DTL: variants seen among roughly 807,000 people sequenced by gnomAD.
DTL encodes the protein denticleless E3 ubiquitin protein ligase adapter, also known as denticleless protein homolog.
A neutral mutation model predicts 87.0 loss-of-function variants in DTL; 46 were observed. The ratio of observed to expected loss-of-function variants is 0.53; its 90% confidence interval spans 0.42 to 0.68. DTL has a LOEUF of 0.68. Among genes scored for constraint, DTL ranks in the 30% least tolerant of loss-of-function variants. DTL has a pLI of 0.00. For synonymous variants in DTL, 308 were observed against 311.2 expected (o/e 0.99, Z 0.11); for missense variants, 737 against 869.4 (o/e 0.85, Z 1.91).
chr1:212,048,899 GTTTT>G (rs869232085), intron 5 of DTL, among the ~76,000 whole-genome samples: 40 of 120,416 alleles, frequency 3.3e-4, no homozygotes, highest in African/African-American at 9.9e-4. Context: ...GTTTGGACTG[GTTTT>G]TTGTTTGTTT....
At chr1:212,076,463 T>G (rs1335314266) in intron 11 of DTL, among the ~76,000 whole-genome samples, 1 of 151,804 alleles carries the variant, frequency 6.6e-6, no homozygotes, top group Non-Finnish European at 1.5e-5. Context: ...ATTTAGGGGG[T>G]TTTTTGAAAC....
intron 5 of DTL, among the ~76,000 whole-genome samples, chr1:212,061,850 AAGTG>A (rs1654330778): frequency 6.6e-6 from 1 of 152,176 alleles, no homozygotes; most frequent in Non-Finnish European, 1.5e-5. Context: ...AGAGGCTGGA[AAGTG>A]AGTGGGTGTG....
At chr1:212,089,156 A>G (rs1011858212) in intron 13 of DTL, among the ~76,000 whole-genome samples, 2 of 152,220 alleles carry the variant, frequency 1.3e-5, no homozygotes, top group Admixed American at 1.3e-4. Flanking sequence ...TGACTTTAGG[A>G]AGCATTTAGG....
chr1:212,082,340 A>G (rs115031691), intron 13 of DTL, among the ~76,000 whole-genome samples: 1,688 of 152,280 alleles, frequency 0.011, 31 homozygotes, highest in African/African-American at 0.038. Flanking sequence ...AGTTCTTTCA[A>G]GGAGTTTTGT....
At chr1:212,083,499 G>A (rs1655043259) in intron 13 of DTL, among the ~76,000 whole-genome samples, 2 of 152,110 alleles carry the variant, frequency 1.3e-5, no homozygotes, top group Non-Finnish European at 2.9e-5. Context: ...AATACTAAAG[G>A]GAGATGGGAA....
intron 13 of DTL, among the ~76,000 whole-genome samples, chr1:212,085,978 T>C (rs1314178991): frequency 1.3e-5 from 2 of 152,250 alleles, no homozygotes; most frequent in East Asian, 3.8e-4. Context: ...TCAATTCCAT[T>C]GATCTATGTA....
intron 5 of DTL, among the ~76,000 whole-genome samples, chr1:212,060,028 A>G (rs1224750979): frequency 6.6e-6 from 1 of 152,150 alleles, no homozygotes; most frequent in Non-Finnish European, 1.5e-5. Flanking sequence ...ATTGAAGAGG[A>G]GACAAATGGA....
At chr1:212,084,975 T>C (rs1655087008) in intron 13 of DTL, among the ~76,000 whole-genome samples, 1 of 152,254 alleles carries the variant, frequency 6.6e-6, no homozygotes. Flanking sequence ...TTTTCCCATA[T>C]ACTTTTATCA....
chr1:212,055,306 G>T (rs185114129), intron 5 of DTL, among the ~76,000 whole-genome samples: 1 of 152,252 alleles, frequency 6.6e-6, no homozygotes, highest in Admixed American at 6.5e-5. Context: ...AGCCATGGGA[G>T]ACCCCTTGAT....
chr1:212,047,528 A>G (rs1667841576), intron 5 of DTL, 111 bp downstream of exon 5: 3 of 1,363,210 alleles, frequency 2.2e-6, no homozygotes, highest in African/African-American at 1.5e-5. Context: ...CTTTACCTAC[A>G]TAGATGATTA....
chr1:212,038,762 G>A (rs931899303), intron 1 of DTL, among the ~76,000 whole-genome samples: 1 of 152,088 alleles, frequency 6.6e-6, no homozygotes, highest in African/African-American at 2.4e-5. Context: ...TTACTCTTCT[G>A]TGTATTTTTA....
At chr1:212,072,254 A>G (rs779445163) in intron 11 of DTL, 41 bp downstream of exon 11, 4 of 1,426,310 alleles carry the variant, frequency 2.8e-6, no homozygotes, top group South Asian at 2.3e-5. Context: ...AGACTGAAGT[A>G]TTCTTGCAAA....
intron 13 of DTL, among the ~76,000 whole-genome samples, chr1:212,092,610 G>T (rs1655318138): frequency 6.6e-6 from 1 of 151,940 alleles, no homozygotes; most frequent in Non-Finnish European, 1.5e-5. Flanking sequence ...CCATTTTATG[G>T]CTAAGTAGTA....
intron 13 of DTL, among the ~76,000 whole-genome samples, chr1:212,083,626 G>A (rs983119884): frequency 3.3e-5 from 5 of 152,164 alleles, no homozygotes; most frequent in South Asian, 2.1e-4. Flanking sequence ...GATTATAGAA[G>A]AAGGAGGTCA....
intron 10 of DTL, 81 bp from the exon 11 acceptor site, chr1:212,072,020 T>G: frequency 1.0e-6 from 1 of 974,334 alleles, no homozygotes; most frequent in South Asian, 1.4e-5. Context: ...ATAAAACTTG[T>G]TAGAATATAT....
intron 1 of DTL, among the ~76,000 whole-genome samples, chr1:212,040,156 T>C (rs192872147): frequency 2.0e-4 from 30 of 152,338 alleles, no homozygotes; most frequent in Admixed American, 5.9e-4. Context: ...TTCATATTCT[T>C]ATTCTATAAG....
chr1:212,088,939 A>T (rs914310114), intron 13 of DTL, among the ~76,000 whole-genome samples: 1 of 152,156 alleles, frequency 6.6e-6, no homozygotes, highest in Non-Finnish European at 1.5e-5. Context: ...ATACAAAATT[A>T]GCTAGGCATG....
chr1:212,044,258 T>C (rs1482488456), intron 2 of DTL, among the ~76,000 whole-genome samples: 1 of 152,216 alleles, frequency 6.6e-6, no homozygotes, highest in Non-Finnish European at 1.5e-5. Flanking sequence ...GATTTAGCCC[T>C]TCTCTAAATA....
chr1:212,088,379 A>G (rs1479746558), intron 13 of DTL, among the ~76,000 whole-genome samples: 1 of 152,172 alleles, frequency 6.6e-6, no homozygotes, highest in Non-Finnish European at 1.5e-5. Flanking sequence ...CTTACTACGC[A>G]CTATAGGGGC....
Sources: gnomAD v4.1 joint callset for allele counts (sites outside exome capture counted in the v4.1 genomes callset) on GRCh38, gnomAD v4.1.1 for gene constraint, MANE v1.5 for transcripts, NCBI Gene and HGNC (gene_info 2026-07-23, HGNC 2026-07-21) for gene names.